LILRB1: variants seen among roughly 807,000 people sequenced by gnomAD.
The protein encoded by LILRB1 is leukocyte immunoglobulin like receptor B1, also known as leukocyte immunoglobulin-like receptor subfamily B member 1.
A neutral mutation model predicts 74.6 loss-of-function variants in LILRB1; 59 were observed. That is an observed-to-expected ratio of 0.79 (90% confidence interval 0.64 to 0.98). The LOEUF is 0.98. Among genes scored for constraint, LILRB1 ranks in the 50% least tolerant of loss-of-function variants. The pLI is 0.00. For missense variants in LILRB1, 804 were observed against 822.6 expected, an observed-to-expected ratio of 0.98 and a Z score of 0.28; for synonymous variants, 328 against 333.9, an observed-to-expected ratio of 0.98 and a Z score of 0.19.
At chr19:54,616,570 G>A (rs990809004), upstream of LILRB1, among the ~76,000 whole-genome samples, 4 of 152,096 alleles carry the variant, frequency 2.6e-5, no homozygotes, top group Admixed American at 2.0e-4. Context: ...GTCCTCCTGA[G>A]CCCCGACCTC....
upstream of LILRB1, among the ~76,000 whole-genome samples, chr19:54,629,204 T>G (rs145746147): frequency 8.3e-3 from 1,265 of 152,220 alleles, 11 homozygotes; most frequent in Middle Eastern, 0.051. Context: ...CGGCAGACTT[T>G]TCCTATATGC....
In LILRB1 at chr19:54,631,358, G is replaced by A; in HGVS notation, c.70+52G>A. The A allele has an allele frequency of 1.9e-6, 3 of 1,613,542 alleles. No individual in the cohort carries two copies. The South Asian group carries it at 3.3e-5, about 18-fold the overall frequency. On this transcript the variant is annotated intron_variant, in intron 3 of 14. Transcript: ENST00000324602. ...TCCCTCCTCCTCACTGGGGACAAGGGGCCACCCCCGTGCCGCTGGGGATGG... is the reference window on the plus strand; with the variant it reads ...TCCCTCCTCCTCACTGGGGACAAGGAGCCACCCCCGTGCCGCTGGGGATGG...
Position 54,631,973 on chromosome 19 carries a change from C to T in LILRB1, c.397C>T (p.Pro133Ser). The T allele has an allele frequency of 6.2e-7, 1 of 1,614,110 alleles. No homozygotes were observed. The highest frequency in any genetic ancestry group is 8.5e-7 in the Non-Finnish European group (1 of 1,179,906). ...ACCCACCCTCTCAGCCCAGCCCAGC[C>T]CCGTGGTGAACTCAGGAGGGAATGT... is the stretch of plus-strand genomic sequence containing the variant. ...IKPTLSAQPSPVVNSGGNVTL... is the reference protein window; with the variant it reads ...IKPTLSAQPSSVVNSGGNVTL... Residue 133 changes from proline to serine, a missense_variant, in exon 5 of 15, where the codon CCC becomes TCC. By Grantham distance (74) the Pro-to-Ser change is moderately conservative (BLOSUM62 -1). Coordinates refer to ENST00000324602, the MANE Select transcript of LILRB1 (RefSeq NM_001081637.3).
chr19:54,626,884 G>A (rs539772693), upstream of LILRB1, among the ~76,000 whole-genome samples: 1 of 151,372 alleles, frequency 6.6e-6, no homozygotes, highest in Admixed American at 6.6e-5. Flanking sequence ...TGTTCTGTCC[G>A]GCATGGTGGG....
In LILRB1 at chr19:54,636,863, T is replaced by C. The variant is rs758057879; in HGVS notation, c.1944T>C (p.Thr648=). The C allele has an allele frequency of 1.9e-6, 3 of 1,613,324 alleles. No individual in the cohort carries two copies. Among genetic ancestry groups the C allele is most frequent in the South Asian group, 1.1e-5 (1 of 91,074 alleles). Residue 648 remains threonine (T), a synonymous_variant, in exon 15 of 15, where the codon ACT becomes ACC. Coordinates refer to ENST00000324602, the MANE Select transcript of LILRB1 (RefSeq NM_001081637.3). The part of the protein sequence containing the change: ...PSPAVPSIYA[T]LAIH ...CAGCTGTGCCCAGCATCTACGCCAC[T>C]CTGGCCATCCACTAGCCCAGGGGGG...
chr19:54,634,722 T>A lies in LILRB1; in HGVS notation c.1445T>A (p.Leu482His), dbSNP rs772175366. Residue 482 changes from leucine (L) to histidine (H), a missense_variant, in exon 10 of 15, where the codon CTC becomes CAC. By Grantham distance (99) the Leu-to-His change is moderately conservative. Transcript: ENST00000324602. ...LLLLLLLLLF[L>H]ILRHRRQGKH... ...CTCCTCCTCCTCCTCCTCCTCTTCC[T>A]CATCCTCCGACATCGACGTCAGGGC... is the stretch of plus-strand genomic sequence containing the variant. 6.2e-7 allele frequency: 1 copy of A among 1,613,988 alleles called. No homozygotes were observed. Among genetic ancestry groups the A allele is most frequent in the Non-Finnish European group, 8.5e-7 (1 of 1,179,954 alleles).
chr19:54,635,027 C>T, intron 10 of LILRB1, 77 bp from the exon 11 acceptor site: 1 of 1,333,122 alleles, frequency 7.5e-7, no homozygotes, highest in Non-Finnish European at 1.0e-6. Flanking sequence ...AGGTTTCCTT[C>T]CTTACCTTCG....
Position 54,633,634 on chromosome 19 carries a change from C to G in LILRB1, c.1262-4C>G. On this transcript the variant is annotated splice_polypyrimidine_tract_variant and splice_region_variant and intron_variant, in intron 7 of 14. Coordinates refer to ENST00000324602, the MANE Select transcript of LILRB1 (RefSeq NM_001081637.3). ...CCTCAGCCTCCTCTCATTCTTTTACCCAGGACCGTCTGGGGGCCCCAGCTC... is the reference window on the plus strand; with the variant it reads ...CCTCAGCCTCCTCTCATTCTTTTACGCAGGACCGTCTGGGGGCCCCAGCTC... 1 of 1,613,140 alleles carries G rather than the reference C, an allele frequency of 6.2e-7. No homozygotes were observed. Among genetic ancestry groups the G allele is most frequent in the Non-Finnish European group, 8.5e-7 (1 of 1,179,574 alleles).
chr19:54,628,843 G>A (rs1568572824), upstream of LILRB1, among the ~76,000 whole-genome samples: 3 of 152,172 alleles, frequency 2.0e-5, no homozygotes, highest in Middle Eastern at 3.2e-3. Flanking sequence ...TCTTGCCTTG[G>A]GCAGGTGAAG....
At chr19:54,628,060 C>T (rs2063645948), upstream of LILRB1, among the ~76,000 whole-genome samples, 1 of 152,184 alleles carries the variant, frequency 6.6e-6, no homozygotes, top group Non-Finnish European at 1.5e-5. Context: ...TGTCCGGTTT[C>T]CACTGGCTGG....
intron 7 of LILRB1, 134 bp downstream of exon 7, chr19:54,633,452 G>A (rs1039443512): frequency 7.5e-7 from 1 of 1,334,930 alleles, no homozygotes. Context: ...CCCTCAGAGG[G>A]AAGGAGGAGA....
chr19:54,633,229 A>G lies in LILRB1; in HGVS notation c.1172A>G (p.His391Arg). The stretch of plus-strand genomic sequence containing the variant: ...CCCATGGGTCCTGTGACCTCAGCCC[A>G]TGCGGGGACCTACAGGTGCTACGGC... Reference protein sequence around the residue: ...EFPMGPVTSAHAGTYRCYGSQ... With the variant: ...EFPMGPVTSARAGTYRCYGSQ... Residue 391 changes from histidine (H) to arginine (R), a missense_variant, in exon 7 of 15, where the codon CAT (histidine) becomes CGT (arginine). Coordinates refer to ENST00000324602, the MANE Select transcript of LILRB1 (RefSeq NM_001081637.3). The G allele has an allele frequency of 6.2e-7, 1 of 1,614,164 alleles. No homozygotes were observed.
At chr19:54,617,589 G>GTGTGTGTGTGGT (rs58534340) in intron 1 of LILRB1, among the ~76,000 whole-genome samples, 2 of 127,484 alleles carry the variant, frequency 1.6e-5, no homozygotes, top group African/African-American at 5.9e-5. Flanking sequence ...GTGTGTGTGT[G>GTGTGTGTGTGGT]GTGTGTGTGT....
Position 54,637,884 on chromosome 19 carries a change from A to G in LILRB1, c.*1006A>G, listed in dbSNP as rs1290660931. Among the ~76,000 whole-genome samples the G allele has an allele frequency of 6.6e-6, 1 of 152,258 alleles. No homozygotes were observed. The highest frequency in any genetic ancestry group is 1.5e-5 in the Non-Finnish European group (1 of 68,046). On this transcript the variant is annotated 3_prime_UTR_variant, in exon 15 of 15. Coordinates refer to ENST00000324602, the MANE Select transcript of LILRB1 (RefSeq NM_001081637.3). ...CTAGAAATTGCAGATTAAATAGATG[A>G]AATATTCTAAACTGGAGTTTACATA...
chr19:54,637,009 C>T lies in LILRB1; in HGVS notation c.*131C>T. Reference sequence around the variant, plus strand: ...AGACTCTGGGAACTTTTAGGGGTCACTCAATTCTGCAGTATAAATAACTAA... The same window carrying T: ...AGACTCTGGGAACTTTTAGGGGTCATTCAATTCTGCAGTATAAATAACTAA... On this transcript the variant is annotated 3_prime_UTR_variant, in exon 15 of 15. Transcript: ENST00000324602. The T allele has an allele frequency of 9.6e-7, 1 of 1,046,206 alleles. No homozygotes were observed. The highest frequency in any genetic ancestry group is 1.4e-6 in the Non-Finnish European group (1 of 718,926). 64.8% of individuals were successfully genotyped at this position (1,046,206 alleles called of 1,614,324 possible).
At chr19:54,622,241 T>A (rs2063476132) in intron 1 of LILRB1, among the ~76,000 whole-genome samples, 1 of 152,232 alleles carries the variant, frequency 6.6e-6, no homozygotes, top group African/African-American at 2.4e-5. Flanking sequence ...CATTTGTAAT[T>A]TAATAGGAAT....
At chr19:54,629,365 T>C (rs1371632654), upstream of LILRB1, among the ~76,000 whole-genome samples, 1 of 152,088 alleles carries the variant, frequency 6.6e-6, no homozygotes, top group Admixed American at 6.5e-5. Context: ...ATTTTTATTT[T>C]AAGTTAAAGC....
At chr19:54,625,120 G>A (rs2063546983) in intron 1 of LILRB1, among the ~76,000 whole-genome samples, 1 of 136,908 alleles carries the variant, frequency 7.3e-6, no homozygotes, top group African/African-American at 2.6e-5. Context: ...AGGTGGCAGT[G>A]ACTGCAAAGG....
At chr19:54,628,772 G>A (rs1348706392), upstream of LILRB1, among the ~76,000 whole-genome samples, 1 of 152,114 alleles carries the variant, frequency 6.6e-6, no homozygotes, top group Admixed American at 6.5e-5. Context: ...CAAGGAACAG[G>A]CTGAGACCAT....
Sources: gnomAD v4.1 joint callset for allele counts (sites outside exome capture counted in the v4.1 genomes callset) on GRCh38, gnomAD v4.1.1 for gene constraint, MANE v1.5 for transcripts, NCBI Gene and HGNC (gene_info 2026-07-23, HGNC 2026-07-21) for gene names.